MMS22L: variants seen among roughly 807,000 people sequenced by gnomAD.
The protein encoded by MMS22L is MMS22 like, DNA repair protein.
In MMS22L, 74 loss-of-function variants were observed where a neutral mutation model predicts 159.1. The ratio of observed to expected loss-of-function variants is 0.47; its 90% CI spans 0.39 to 0.56. The LOEUF (loss-of-function observed/expected upper bound fraction) is 0.56. Among genes scored for constraint, MMS22L ranks in the 20% least tolerant of loss-of-function variants. The pLI is 0.00. For synonymous variants in MMS22L, 517 were observed against 506.9 expected (o/e 1.02, Z -0.27); for missense variants, 1,351 against 1,422.1 (o/e 0.95, Z 0.80).
At chr6:97,171,927 T>C (rs17057479) in intron 19 of MMS22L, among the ~76,000 whole-genome samples, 14,762 of 152,186 alleles carry the variant, frequency 0.097, 1,426 homozygotes, top group African/African-American at 0.25. Context: ...TGGGCAACAC[T>C]GTAGCAATAT....
At chr6:97,204,047 A>G (rs959505236) in intron 14 of MMS22L, among the ~76,000 whole-genome samples, 15 of 152,228 alleles carry the variant, frequency 9.9e-5, no homozygotes, top group Non-Finnish European at 8.8e-5. Context: ...CACAGTGAGG[A>G]ATGCCAAACC....
At position 97,282,443 on chromosome 6, in the gene MMS22L, G is replaced by C. The variant is rs759264366; in HGVS notation, c.35C>G (p.Thr12Ser). ...ENCSAASTFL[T>S]DSLELELGTE... is the part of the protein sequence containing the mutation. ...CCCCAGCTCCAGCTCTAAGCTGTCA[G>C]TCAGGAACGTCGATGCAGCAGAACA... Residue 12 changes from threonine to serine, a missense_variant, in exon 2 of 25, where the codon ACT (threonine) becomes AGT (serine). Thr to Ser is a moderately conservative substitution (Grantham distance 58). Coordinates refer to ENST00000683635, the MANE Select transcript of MMS22L (RefSeq NM_001350599.2). 4.3e-6 allele frequency: 7 copies of C among 1,613,870 alleles called. No homozygotes were observed. The South Asian group carries it at 6.6e-5, about 15-fold the overall frequency.
chr6:97,198,251 C>T (rs562418828), intron 14 of MMS22L, among the ~76,000 whole-genome samples: 21 of 152,074 alleles, frequency 1.4e-4, no homozygotes, highest in Admixed American at 5.9e-4. Context: ...GCCATTCTAG[C>T]TTAGAAACTA....
intron 12 of MMS22L, among the ~76,000 whole-genome samples, chr6:97,233,481 C>G (rs554398131): frequency 6.6e-6 from 1 of 152,222 alleles, no homozygotes; most frequent in East Asian, 1.9e-4. Context: ...TATGTATACC[C>G]ACCCACTAGT....
At chr6:97,155,369 T>C (rs1801724343) in intron 22 of MMS22L, among the ~76,000 whole-genome samples, 1 of 152,170 alleles carries the variant, frequency 6.6e-6, no homozygotes, top group Non-Finnish European at 1.5e-5. Context: ...AACGTGCAGG[T>C]TTGTTACATA....
At chr6:97,197,438 A>G (rs1806648305) in intron 14 of MMS22L, among the ~76,000 whole-genome samples, 1 of 152,190 alleles carries the variant, frequency 6.6e-6, no homozygotes, top group Admixed American at 6.5e-5. Flanking sequence ...TCACGTGGGT[A>G]GGACCACTAG....
chr6:97,231,459 T>C lies in MMS22L; in HGVS notation c.1496A>G (p.Asn499Ser). The C allele has an allele frequency of 1.2e-6, 2 of 1,613,652 alleles. No individual in the cohort carries two copies. The highest frequency in any genetic ancestry group is 1.7e-6 in the Non-Finnish European group (2 of 1,179,766). The change falls in exon 13 of 25, where the codon AAT becomes AGT. Residue 499 changes from asparagine to serine, a missense_variant. By Grantham distance (46) the Asn-to-Ser change is conservative (BLOSUM62 1). Transcript: ENST00000683635. ...AKVVKKAMKSNGPHPWKQVKG... is the reference protein window; with the variant it reads ...AKVVKKAMKSSGPHPWKQVKG... Reference sequence around the variant, plus strand: ...GACTTGTTTCCAAGGATGAGGGCCATTGCTCTTCATTGCTTTTTTAACAAC... The same window carrying C: ...GACTTGTTTCCAAGGATGAGGGCCACTGCTCTTCATTGCTTTTTTAACAAC...
chr6:97,257,518 A>G (rs969200799), intron 9 of MMS22L, among the ~76,000 whole-genome samples: 1 of 152,018 alleles, frequency 6.6e-6, no homozygotes, highest in African/African-American at 2.4e-5. Flanking sequence ...CACTGGTGCA[A>G]AATTCTGGGC....
intron 9 of MMS22L, among the ~76,000 whole-genome samples, chr6:97,262,396 G>A (rs1814576674): frequency 6.6e-6 from 1 of 151,986 alleles, no homozygotes; most frequent in Non-Finnish European, 1.5e-5. Context: ...TGTAATCCTA[G>A]CACTTTGGGA....
At chr6:97,169,376 T>C (rs1036864099) in intron 19 of MMS22L, among the ~76,000 whole-genome samples, 6 of 152,134 alleles carry the variant, frequency 3.9e-5, no homozygotes, top group Admixed American at 1.3e-4. Context: ...TAAAAACAGA[T>C]TAAATGCTTA....
chr6:97,185,249 G>C (rs529019573), intron 15 of MMS22L, among the ~76,000 whole-genome samples: 7 of 152,122 alleles, frequency 4.6e-5, no homozygotes, highest in African/African-American at 1.7e-4. Context: ...TAGATTATGA[G>C]CTCCATCAGA....
chr6:97,164,293 G>C (rs1802738647), intron 21 of MMS22L, among the ~76,000 whole-genome samples: 1 of 151,244 alleles, frequency 6.6e-6, no homozygotes, highest in Non-Finnish European at 1.5e-5. Context: ...TTCTATGAGA[G>C]GTAACAGATA....
intron 14 of MMS22L, among the ~76,000 whole-genome samples, chr6:97,222,955 T>C (rs1246839188): frequency 6.6e-6 from 1 of 152,136 alleles, no homozygotes; most frequent in Non-Finnish European, 1.5e-5. Context: ...TAAAATGTGA[T>C]TCCAGAGAGG....
chr6:97,283,413 G>A (rs1447101328), upstream of MMS22L: 1 of 151,346 alleles, frequency 6.6e-6, no homozygotes, highest in Non-Finnish European at 1.5e-5. Flanking sequence ...CAGAACTGCT[G>A]CTGAGGCGGA....
At chr6:97,254,081 C>T (rs115297995) in intron 10 of MMS22L, 1 of 153,028 alleles carries the variant, frequency 6.5e-6, no homozygotes, top group African/African-American at 2.4e-5. Context: ...AAGCAAACTT[C>T]ATGGTTGTTT....
At chr6:97,217,826 T>C (rs1809187636) in intron 14 of MMS22L, among the ~76,000 whole-genome samples, 1 of 152,204 alleles carries the variant, frequency 6.6e-6, no homozygotes, top group Admixed American at 6.5e-5. Flanking sequence ...CAATAGGCCC[T>C]TTCATTACAG....
rs1395951930 is a variant in MMS22L, at chr6:97,228,880, A to G, written c.2039+14T>C. The stretch of plus-strand genomic sequence containing the variant: ...AAAACAAATCATAAATTAGCATACA[A>G]CTGAAAACCATACCTGATTCTGGCC... On this transcript the variant is annotated intron_variant, in intron 14 of 24. Transcript: ENST00000683635. 6.3e-7 allele frequency: 1 copy of G among 1,593,040 alleles called. No homozygotes were observed. The highest frequency in any genetic ancestry group is 1.8e-5 in the Admixed American group (1 of 55,386).
chr6:97,220,480 G>C (rs1321562378), intron 14 of MMS22L, among the ~76,000 whole-genome samples: 2 of 151,990 alleles, frequency 1.3e-5, no homozygotes, highest in East Asian at 3.9e-4. Flanking sequence ...AATAAAGCTA[G>C]CAAACTCTAT....
chr6:97,281,448 T>C, intron 2 of MMS22L, 86 bp from the exon 3 acceptor site: 1 of 1,137,716 alleles, frequency 8.8e-7, no homozygotes, highest in East Asian at 2.4e-5. Flanking sequence ...TTTGAATCCA[T>C]ATTATACATG....
Sources: gnomAD v4.1 joint callset for allele counts (sites outside exome capture counted in the v4.1 genomes callset) on GRCh38, gnomAD v4.1.1 for gene constraint, MANE v1.5 for transcripts, NCBI Gene and HGNC (gene_info 2026-07-23, HGNC 2026-07-21) for gene names.